Variants in NALF1 observed in about 807,000 individuals in gnomAD.
NALF1 encodes NALCN channel auxiliary factor 1.
In NALF1, 3 loss-of-function variants were observed where a neutral mutation model predicts 48.4. The ratio of observed to expected loss-of-function variants is 0.06; its 90% CI spans 0.03 to 0.16. The LOEUF (loss-of-function observed/expected upper bound fraction) is 0.16, where lower values mean the gene tolerates loss of function less well. NALF1 is among the 10% of genes least tolerant of loss of function. NALF1 has a pLI of 1.00. For missense variants in NALF1, 526 were observed against 571.5 expected, an observed-to-expected ratio of 0.92 and a Z score of 0.81; for synonymous variants, 262 against 245.7, an observed-to-expected ratio of 1.07 and a Z score of -0.62.
At chr13:107,388,825 A>G (rs1883572842) in intron 1 of NALF1, among the ~76,000 whole-genome samples, 1 of 151,990 alleles carries the variant, frequency 6.6e-6, no homozygotes, top group African/African-American at 2.4e-5. Context: ...GGATAGCAAC[A>G]TCTTTCCAGT....
At chr13:107,610,152 T>C (rs1594158922) in intron 1 of NALF1, among the ~76,000 whole-genome samples, 1 of 152,152 alleles carries the variant, frequency 6.6e-6, no homozygotes, top group Non-Finnish European at 1.5e-5. Flanking sequence ...TCACAGCTGT[T>C]ACTAGGGAAG....
At chr13:107,204,893 C>G (rs1247363172) in intron 2 of NALF1, among the ~76,000 whole-genome samples, 1 of 143,754 alleles carries the variant, frequency 7.0e-6, no homozygotes, top group African/African-American at 2.5e-5. Flanking sequence ...AATGAACATA[C>G]GCATACGCAG....
At chr13:107,175,092 T>G (rs1878897097) in intron 2 of NALF1, among the ~76,000 whole-genome samples, 1 of 132,554 alleles carries the variant, frequency 7.5e-6, no homozygotes, top group African/African-American at 3.0e-5. Flanking sequence ...GGTTTCATCG[T>G]GTTAGCCAGG....
chr13:107,478,687 G>A (rs934998665), intron 1 of NALF1, among the ~76,000 whole-genome samples: 1 of 152,070 alleles, frequency 6.6e-6, no homozygotes, highest in Non-Finnish European at 1.5e-5. Flanking sequence ...CCACTGTGCT[G>A]TACTTAATCG....
intron 1 of NALF1, among the ~76,000 whole-genome samples, chr13:107,226,031 G>A (rs553915949): frequency 6.6e-6 from 1 of 152,104 alleles, no homozygotes; most frequent in East Asian, 1.9e-4. Flanking sequence ...TAGAACTATG[G>A]CTTCAATAGT....
intron 1 of NALF1, among the ~76,000 whole-genome samples, chr13:107,747,994 C>A (rs1876832251): frequency 6.6e-6 from 1 of 152,164 alleles, no homozygotes; most frequent in African/African-American, 2.4e-5. Flanking sequence ...CGTAAGTAAA[C>A]TATTTATAAC....
chr13:107,648,822 A>G (rs1426237127), intron 1 of NALF1, among the ~76,000 whole-genome samples: 1 of 152,186 alleles, frequency 6.6e-6, no homozygotes, highest in African/African-American at 2.4e-5. Flanking sequence ...GTCCCTGTTT[A>G]TTCACATCCT....
At chr13:107,760,840 C>T (rs1877241800) in intron 1 of NALF1, among the ~76,000 whole-genome samples, 1 of 152,168 alleles carries the variant, frequency 6.6e-6, no homozygotes, top group Non-Finnish European at 1.5e-5. Flanking sequence ...TATAACATGT[C>T]TTTGACCTAA....
intron 1 of NALF1, among the ~76,000 whole-genome samples, chr13:107,333,055 A>G (rs1318928136): frequency 1.3e-5 from 2 of 152,104 alleles, no homozygotes; most frequent in Non-Finnish European, 2.9e-5. Context: ...CATGTTGGCC[A>G]GGCTGGTCTC....
At chr13:107,706,762 T>C (rs1875377904) in intron 1 of NALF1, among the ~76,000 whole-genome samples, 1 of 152,206 alleles carries the variant, frequency 6.6e-6, no homozygotes, top group Non-Finnish European at 1.5e-5. Context: ...ATTCAATTCT[T>C]CAACTGTAAA....
At chr13:107,731,864 G>A (rs1876319503) in intron 1 of NALF1, among the ~76,000 whole-genome samples, 1 of 152,068 alleles carries the variant, frequency 6.6e-6, no homozygotes, top group East Asian at 1.9e-4. Context: ...ATTAATTTAT[G>A]CTACAGTAAA....
chr13:107,341,000 G>T (rs1259778107), intron 1 of NALF1, among the ~76,000 whole-genome samples: 1 of 152,100 alleles, frequency 6.6e-6, no homozygotes, highest in Non-Finnish European at 1.5e-5. Context: ...TTCAAGAAAA[G>T]TATTGTTACT....
intron 1 of NALF1, among the ~76,000 whole-genome samples, chr13:107,830,143 G>A (rs983608760): frequency 1.3e-5 from 2 of 151,994 alleles, no homozygotes; most frequent in African/African-American, 4.8e-5. Flanking sequence ...CCTTTCTACC[G>A]CCTCTTGTGC....
intron 1 of NALF1, among the ~76,000 whole-genome samples, chr13:107,259,652 T>G (rs2138852989): frequency 6.6e-6 from 1 of 152,336 alleles, no homozygotes; most frequent in East Asian, 1.9e-4. Context: ...CTACCAGAAG[T>G]AAAATTAGTT....
intron 1 of NALF1, among the ~76,000 whole-genome samples, chr13:107,252,149 C>T (rs1366045123): frequency 6.6e-6 from 1 of 152,148 alleles, no homozygotes; most frequent in Admixed American, 6.5e-5. Context: ...GGCTTGGTGT[C>T]ACTCCTGGAG....
rs149108835 is a variant in NALF1, at chr13:107,463,125, C to T, written c.916-252370G>A. Among the ~76,000 whole-genome samples the T allele has an allele frequency of 5.2e-4, 79 of 152,220 alleles. No individual in the cohort carries two copies. In the East Asian group the frequency reaches 0.013, roughly 25 times the overall value. On this transcript the variant is annotated intron_variant, in intron 1 of 2. Transcript: ENST00000375915. ...GAAAAGAACAGTACTTTCATCTCTG[C>T]GTATCTACTAATACCAGATACAGTG...
In NALF1 at chr13:107,508,763, G is replaced by C. The variant is rs904419661; in HGVS notation, c.916-298008C>G. Among the ~76,000 whole-genome samples the C allele has an allele frequency of 2.0e-5, 3 of 151,854 alleles. No homozygotes were observed. In the East Asian group the frequency reaches 5.8e-4, roughly 29 times the overall value. On this transcript the variant is annotated intron_variant, in intron 1 of 2. Transcript: ENST00000375915. The stretch of plus-strand genomic sequence containing the variant: ...CGCACACGCCCCCAATCTCACAACT[G>C]ATGCAAAATCAGAAAGAAAACACCA...
chr13:107,792,170 A>C (rs1163267362), intron 1 of NALF1, among the ~76,000 whole-genome samples: 2 of 152,202 alleles, frequency 1.3e-5, no homozygotes, highest in East Asian at 3.9e-4. Flanking sequence ...CTATCTCAGA[A>C]TTTTGTCTCT....
intron 1 of NALF1, among the ~76,000 whole-genome samples, chr13:107,601,857 A>C (rs892478206): frequency 1.3e-5 from 2 of 152,092 alleles, no homozygotes; most frequent in Non-Finnish European, 2.9e-5. Context: ...ACTTAAACCC[A>C]ATATCAGTTT....
Sources: gnomAD v4.1 joint callset for allele counts (sites outside exome capture counted in the v4.1 genomes callset) on GRCh38, gnomAD v4.1.1 for gene constraint, MANE v1.5 for transcripts, NCBI Gene and HGNC (gene_info 2026-07-23, HGNC 2026-07-21) for gene names.